NWD2: variants seen among roughly 807,000 people sequenced by gnomAD.
NWD2 encodes the protein NACHT and WD repeat domain-containing protein 2.
In NWD2, 37 loss-of-function variants were observed where a neutral mutation model predicts 132.7. The observed-to-expected ratio is 0.28, with a 90% CI of 0.21 to 0.37. The LOEUF is 0.37. Ranked by LOEUF, NWD2 falls within the 10% of genes least tolerant of loss-of-function variation. The pLI, the probability that NWD2 is intolerant of heterozygous loss-of-function variation, is 1.00. For missense variants in NWD2, 1,592 were observed against 2,122.4 expected, an observed-to-expected ratio of 0.75 and a Z score of 4.91; for synonymous variants, 705 against 803.0, an observed-to-expected ratio of 0.88 and a Z score of 2.06.
rs78838350 is a variant in NWD2, at chr4:37,393,169, T to G, written c.357+36687T>G. Among the ~76,000 whole-genome samples, 891 of 138,264 alleles carry G rather than the reference T, an allele frequency of 6.4e-3. 5 individuals are homozygous for G. Among genetic ancestry groups the G allele is most frequent in the Middle Eastern group, 0.014 (4 of 278 alleles). 90.7% of individuals were successfully genotyped at this position (138,264 alleles called of 152,430 possible). Reference sequence around the variant, plus strand: ...TTTCTTAGAAAACAAAGGGTTCACTTTAGGCTAGGAGGAAACATCCGGGGG... The same window carrying G: ...TTTCTTAGAAAACAAAGGGTTCACTGTAGGCTAGGAGGAAACATCCGGGGG... On this transcript the variant is annotated intron_variant, in intron 3 of 6. Coordinates refer to ENST00000309447, the MANE Select transcript of NWD2 (RefSeq NM_001144990.2).
Position 37,302,709 on chromosome 4 carries a change from G to T in NWD2, c.152-23227G>T, listed in dbSNP as rs572717493. 3.9e-5 allele frequency among the ~76,000 whole-genome samples: 6 copies of T among 152,112 alleles called. No individual in the cohort carries two copies. The East Asian group carries it at 1.2e-3, about 29-fold the overall frequency. ...TGGTTTTGATTTGTATTTCCCTGAT[G>T]ATTAGTGATGTTAAACATCTTTTAT... On this transcript the variant is annotated intron_variant, in intron 1 of 6. Transcript: ENST00000309447.
At chr4:37,412,341 A>G (rs897669282) in intron 3 of NWD2, among the ~76,000 whole-genome samples, 3 of 152,212 alleles carry the variant, frequency 2.0e-5, no homozygotes, top group East Asian at 1.9e-4. Flanking sequence ...TACACCAGTA[A>G]CAGACAAACA....
chr4:37,432,157 T>A (rs966406714), intron 4 of NWD2, among the ~76,000 whole-genome samples: 1 of 152,094 alleles, frequency 6.6e-6, no homozygotes, highest in Non-Finnish European at 1.5e-5. Context: ...GCCTCTCTTC[T>A]GTTCCCTCTG....
At chr4:37,366,313 C>T (rs1250513716) in intron 3 of NWD2, among the ~76,000 whole-genome samples, 1 of 152,146 alleles carries the variant, frequency 6.6e-6, no homozygotes, top group African/African-American at 2.4e-5. Flanking sequence ...AAAACTGCAA[C>T]CGAGCCGCGG....
chr4:37,297,933 A>G (rs1384375603), intron 1 of NWD2, among the ~76,000 whole-genome samples: 2 of 152,112 alleles, frequency 1.3e-5, no homozygotes, highest in East Asian at 1.9e-4. Flanking sequence ...CCACAAAATC[A>G]TTGATGTTCC....
rs1164877894 is a variant in NWD2 at position 37,446,311 on chromosome 4, T to C, written c.4323T>C (p.Asn1441=). The C allele has an allele frequency of 1.3e-6, 2 of 1,551,894 alleles. No individual in the cohort carries two copies. Among genetic ancestry groups the C allele is most frequent in the Non-Finnish European group, 1.7e-6 (2 of 1,147,048 alleles). Residue 1441 remains asparagine, a synonymous_variant, in exon 7 of 7, where the codon AAT becomes AAC. Coordinates refer to ENST00000309447, the MANE Select transcript of NWD2 (RefSeq NM_001144990.2). The surrounding 1 kb of genome is among the most constrained non-coding windows in gnomAD (Gnocchi z 6.7). ...RVCNILTTLQ[N]AFITSANTFV... is the part of the protein sequence containing the mutation. ...GCAACATTCTGACCACTTTGCAGAA[T>C]GCCTTTATTACCTCCGCAAATACCT...
chr4:37,354,345 G>C (rs914101775), intron 2 of NWD2, among the ~76,000 whole-genome samples: 2 of 152,212 alleles, frequency 1.3e-5, no homozygotes, highest in East Asian at 1.9e-4. Context: ...TGAGGAGGCA[G>C]TCTGTCCCTT....
chr4:37,377,620 G>A (rs1720371049), intron 3 of NWD2, among the ~76,000 whole-genome samples: 1 of 152,174 alleles, frequency 6.6e-6, no homozygotes, highest in Non-Finnish European at 1.5e-5. Flanking sequence ...TGTAATCCTA[G>A]CTACTCAGGA....
rs4634233 is a variant in NWD2 at position 37,443,693 on chromosome 4, C to T, written c.1705C>T (p.Leu569=). The change falls in exon 7 of 7, where the codon CTG becomes TTG. Residue 569 remains leucine (L), a synonymous_variant. Transcript: ENST00000309447. The surrounding 1 kb of genome is among the most constrained non-coding windows in gnomAD (Gnocchi z 4.1). ...LIHEEDNYIE[L]IPRDRKMCSQ... is the part of the protein sequence containing the mutation. Reference sequence around the variant, plus strand: ...CCATGAAGAAGACAACTACATCGAGCTGATTCCCCGAGACAGGAAGATGTG... The same window carrying T: ...CCATGAAGAAGACAACTACATCGAGTTGATTCCCCGAGACAGGAAGATGTG... 3 of 1,551,824 alleles carry T rather than the reference C, an allele frequency of 1.9e-6. No homozygotes were observed. Among genetic ancestry groups the T allele is most frequent in the African/African-American group, 2.7e-5 (2 of 72,966 alleles).
Position 37,245,083 on chromosome 4 carries a change from G to A in NWD2, c.16G>A (p.Ala6Thr), listed in dbSNP as rs765895399. The A allele has an allele frequency of 1.3e-6, 2 of 1,546,082 alleles. No individual in the cohort carries two copies. Among genetic ancestry groups the A allele is most frequent in the South Asian group, 2.4e-5 (2 of 83,966 alleles). The change falls in exon 1 of 7, where the codon GCG (alanine) becomes ACG (threonine). Residue 6 changes from alanine to threonine, a missense_variant. Transcript: ENST00000309447. The stretch of plus-strand genomic sequence containing the variant: ...CCAGAGGGCGATGTGGCCGGCCGGC[G>A]CGGGCACCAAGCTGCCCTGTCCCCG... MWPAG[A>T]GTKLPCPRDS...
intron 3 of NWD2, among the ~76,000 whole-genome samples, chr4:37,393,415 T>C (rs1432855832): frequency 6.6e-6 from 1 of 152,192 alleles, no homozygotes; most frequent in Admixed American, 6.5e-5. Flanking sequence ...TGTTATTTCC[T>C]AGGCTATGTG....
rs1386418886 is a variant in NWD2 at position 37,433,861 on chromosome 4, T to A, written c.562-15T>A. The A allele has an allele frequency of 6.6e-7, 1 of 1,512,934 alleles. No homozygotes were observed. The highest frequency in any genetic ancestry group is 1.3e-5 in the South Asian group (1 of 77,022). The allele number at this position is 1,512,934 out of a possible 1,614,324, so 93.7% of individuals were successfully genotyped here. A position where few individuals can be genotyped will look rare whatever the true frequency, so the allele number is the denominator to read the frequency against. On this transcript the variant is annotated splice_polypyrimidine_tract_variant and intron_variant, in intron 4 of 6. Coordinates refer to ENST00000309447, the MANE Select transcript of NWD2 (RefSeq NM_001144990.2). ...ATGATTGTAAGACTAATTTCTCCCTTTTACATTTCTATAGATGCAGCCTTC... is the reference window on the plus strand; with the variant it reads ...ATGATTGTAAGACTAATTTCTCCCTATTACATTTCTATAGATGCAGCCTTC...
At chr4:37,320,280 T>C (rs1719042602) in intron 1 of NWD2, among the ~76,000 whole-genome samples, 1 of 152,200 alleles carries the variant, frequency 6.6e-6, no homozygotes, top group African/African-American at 2.4e-5. Flanking sequence ...TTTTAGAGGA[T>C]ACATGGTGAT....
At chr4:37,441,806 C>T (rs1259820274) in intron 6 of NWD2, among the ~76,000 whole-genome samples, 1 of 152,168 alleles carries the variant, frequency 6.6e-6, no homozygotes, top group Non-Finnish European at 1.5e-5. Flanking sequence ...CGTCCTGTGA[C>T]CTCATGTCCC....
chr4:37,317,421 TCTAC>T (rs1264317139), intron 1 of NWD2, among the ~76,000 whole-genome samples: 1 of 152,202 alleles, frequency 6.6e-6, no homozygotes, highest in Non-Finnish European at 1.5e-5. Context: ...TACCCTTTTG[TCTAC>T]CTCTGAGACC....
chr4:37,285,236 T>C (rs1002401958), intron 1 of NWD2, among the ~76,000 whole-genome samples: 1 of 152,200 alleles, frequency 6.6e-6, no homozygotes, highest in Admixed American at 6.5e-5. Context: ...ATGTAACTTT[T>C]ATAGGAATAG....
chr4:37,356,447 A>C lies in NWD2; in HGVS notation c.322A>C (p.Asn108His), dbSNP rs749493492. 86 of 1,551,386 alleles carry C rather than the reference A, an allele frequency of 5.5e-5. No individual in the cohort carries two copies. Among genetic ancestry groups the C allele is most frequent in the Non-Finnish European group, 7.2e-5 (83 of 1,146,782 alleles). ...LQKTRMKLLE[N>H]CLKTSAGPCF... ...GAAGACCCGCATGAAGCTGCTGGAG[A>C]ATTGCTTGAAAACTTCTGCAGGTCC... Residue 108 changes from asparagine (N) to histidine (H), a missense_variant, in exon 3 of 7, where the codon AAT (asparagine) becomes CAT (histidine). Transcript: ENST00000309447.
intron 1 of NWD2, among the ~76,000 whole-genome samples, chr4:37,273,178 T>A (rs1717909868): frequency 6.6e-6 from 1 of 151,882 alleles, no homozygotes; most frequent in African/African-American, 2.4e-5. Context: ...TTTTCTAGTT[T>A]AACAGATTTT....
chr4:37,287,402 T>C (rs1411255813), intron 1 of NWD2, among the ~76,000 whole-genome samples: 3 of 152,134 alleles, frequency 2.0e-5, no homozygotes, highest in Non-Finnish European at 4.4e-5. Context: ...GCAACCTGGG[T>C]TGGGGAAGGG....
Sources: allele counts gnomAD v4.1 joint callset (sites outside exome capture counted in the v4.1 genomes callset), GRCh38; gene constraint gnomAD v4.1.1; non-coding constraint Gnocchi (gnomAD v3.1); transcripts MANE v1.5; gene names NCBI Gene and HGNC (gene_info 2026-07-23, HGNC 2026-07-21).